CHD2: variants seen among roughly 807,000 people sequenced by gnomAD.
CHD2 encodes chromodomain helicase DNA binding protein 2.
A neutral mutation model predicts 243.9 loss-of-function variants in CHD2; 28 were observed. The observed-to-expected ratio is 0.11, with a 90% CI of 0.09 to 0.16. CHD2 has a LOEUF of 0.16. Ranked by LOEUF, CHD2 falls within the 10% of genes least tolerant of loss-of-function variation. The probability of loss-of-function intolerance (pLI) is 1.00; values close to 1 mark genes in which losing one functional copy is unlikely to be tolerated. For missense variants in CHD2, 1,386 were observed against 2,209.8 expected (o/e 0.63, Z 7.47); for synonymous variants, 775 against 779.0 (o/e 0.99, Z 0.09).
At chr15:93,017,328 T>TC (rs894895583) in intron 37 of CHD2, among the ~76,000 whole-genome samples, 19 of 130,522 alleles carry the variant, frequency 1.5e-4, no homozygotes, top group Admixed American at 1.1e-3. Context: ...TAAACACTTC[T>TC]TTCTTTTTTT....
At chr15:92,906,182 A>G (rs1378038461) in intron 2 of CHD2, among the ~76,000 whole-genome samples, 1 of 151,666 alleles carries the variant, frequency 6.6e-6, no homozygotes, top group Non-Finnish European at 1.5e-5. Flanking sequence ...TGAGCCTTCT[A>G]CTTTTTTTCC....
rs113436024 is a variant in CHD2, at chr15:93,013,662, C to T, written c.4693-1034C>T. 8.5e-3 allele frequency among the ~76,000 whole-genome samples: 1,289 copies of T among 152,256 alleles called. 19 individuals are homozygous for T. Among genetic ancestry groups the T allele is most frequent in the African/African-American group, 0.03 (1,236 of 41,546 alleles). The stretch of plus-strand genomic sequence containing the variant: ...GAAATACATTCAATGTGGCTAGGCG[C>T]GGTGGCTCGTGCCTGTAATCCCAGC... On this transcript the variant is annotated intron_variant, in intron 36 of 38. Transcript: ENST00000394196.
intron 26 of CHD2, among the ~76,000 whole-genome samples, chr15:92,991,048 G>A (rs1376068059): frequency 1.3e-5 from 2 of 152,218 alleles, no homozygotes; most frequent in South Asian, 2.1e-4. Flanking sequence ...TTCTAATAAC[G>A]AAAAATATGG....
intron 38 of CHD2, chr15:93,020,931 G>T (rs192466433): frequency 6.5e-6 from 1 of 152,876 alleles, no homozygotes; most frequent in Admixed American, 6.5e-5. Context: ...ACAGCAGCCC[G>T]CATTAGCAGA....
chr15:92,964,691 T>C (rs1726149969), intron 16 of CHD2, among the ~76,000 whole-genome samples: 1 of 152,348 alleles, frequency 6.6e-6, no homozygotes, highest in South Asian at 2.1e-4. Context: ...GGAATACTTA[T>C]CAATCAATAG....
chr15:93,018,601 C>T (rs1041571346), intron 37 of CHD2, among the ~76,000 whole-genome samples: 1 of 152,216 alleles, frequency 6.6e-6, no homozygotes, highest in Non-Finnish European at 1.5e-5. Flanking sequence ...TTTATTTTCT[C>T]ACATTTCTGG....
chr15:92,938,694 G>A lies in CHD2; in HGVS notation c.552-884G>A, dbSNP rs2053308360. Among the ~76,000 whole-genome samples the A allele has an allele frequency of 2.0e-5, 3 of 152,144 alleles. No homozygotes were observed. The South Asian group carries it at 6.2e-4, about 32-fold the overall frequency. ...TAGGTTTGGTTATGAGAAAGGTATGGGAGGTATGAGAGAAAGAGATAATAA... is the reference window on the plus strand; with the variant it reads ...TAGGTTTGGTTATGAGAAAGGTATGAGAGGTATGAGAGAAAGAGATAATAA... On this transcript the variant is annotated intron_variant, in intron 6 of 38. Coordinates refer to ENST00000394196, the MANE Select transcript of CHD2 (RefSeq NM_001271.4).
chr15:93,001,932 C>T (rs529470815), intron 32 of CHD2, among the ~76,000 whole-genome samples: 5 of 152,240 alleles, frequency 3.3e-5, no homozygotes, highest in South Asian at 2.1e-4. Flanking sequence ...AATAAACTTA[C>T]GTTGAAGGGT....
At chr15:92,940,122 A>T (rs1352395325) in intron 7 of CHD2, among the ~76,000 whole-genome samples, 1 of 152,216 alleles carries the variant, frequency 6.6e-6, no homozygotes, top group African/African-American at 2.4e-5. Flanking sequence ...TGATTTTATC[A>T]AGTACTAATA....
intron 37 of CHD2, among the ~76,000 whole-genome samples, chr15:93,016,589 T>C (rs1175729367): frequency 6.6e-6 from 1 of 152,086 alleles, no homozygotes. Context: ...TATTAAAAAA[T>C]TTGTACAGTC....
At chr15:93,021,792 A>C (rs770579481) in intron 38 of CHD2, 1 of 152,212 alleles carries the variant, frequency 6.6e-6, no homozygotes, top group Non-Finnish European at 1.5e-5. Context: ...CTTGTCTGCG[A>C]ATCTTATCAC....
intron 37 of CHD2, among the ~76,000 whole-genome samples, chr15:93,018,345 A>G (rs529838313): frequency 6.6e-6 from 1 of 152,220 alleles, no homozygotes. Context: ...TATTAATGCT[A>G]TCAGTTTCTG....
At chr15:92,976,532 T>C (rs1332543182) in intron 20 of CHD2, among the ~76,000 whole-genome samples, 3 of 151,708 alleles carry the variant, frequency 2.0e-5, no homozygotes, top group African/African-American at 7.3e-5. Flanking sequence ...ACTTTGAGGC[T>C]AGGCGCGCAT....
intron 12 of CHD2, 24 bp downstream of exon 12, chr15:92,946,240 T>G (rs770180549): frequency 1.3e-6 from 2 of 1,581,454 alleles, no homozygotes; most frequent in Non-Finnish European, 1.7e-6. Flanking sequence ...TGGCTTTTGT[T>G]TTTTCAGGGA....
intron 6 of CHD2, among the ~76,000 whole-genome samples, chr15:92,938,971 A>G (rs969066276): frequency 7.2e-5 from 11 of 152,194 alleles, no homozygotes; most frequent in Admixed American, 5.9e-4. Context: ...CTTCACACAG[A>G]TAATAGCATC....
At chr15:92,902,123 T>G (rs1317839145) in intron 2 of CHD2, 4 of 397,764 alleles carry the variant, frequency 1.0e-5, no homozygotes, top group Non-Finnish European at 1.8e-5. Context: ...ATGTATTTTA[T>G]CCTCACAATT....
intron 16 of CHD2, among the ~76,000 whole-genome samples, chr15:92,961,547 G>T (rs1270756662): frequency 2.6e-5 from 4 of 152,010 alleles, no homozygotes; most frequent in African/African-American, 4.8e-5. Context: ...CTGCAGATGT[G>T]CACCACAATG....
At chr15:93,019,386 A>G (rs2054502944) in intron 37 of CHD2, among the ~76,000 whole-genome samples, 1 of 152,224 alleles carries the variant, frequency 6.6e-6, no homozygotes, top group South Asian at 2.1e-4. Context: ...TGGAGAGTGA[A>G]AAGCGGTAGT....
chr15:92,908,011 T>TA (rs1388357500), intron 2 of CHD2, among the ~76,000 whole-genome samples: 1 of 149,152 alleles, frequency 6.7e-6, no homozygotes, highest in African/African-American at 2.5e-5. Context: ...GAATTTTTTT[T>TA]TTTTTTTTTT....
Sources: allele counts gnomAD v4.1 joint callset (sites outside exome capture counted in the v4.1 genomes callset), GRCh38; gene constraint gnomAD v4.1.1; transcripts MANE v1.5; gene names NCBI Gene and HGNC (gene_info 2026-07-23, HGNC 2026-07-21).